LRRTM4: variants seen among roughly 807,000 people sequenced by gnomAD.
LRRTM4 encodes leucine rich repeat transmembrane neuronal 4.
In LRRTM4, 25 loss-of-function variants were observed where a neutral mutation model predicts 47.6. The ratio of observed to expected loss-of-function variants is 0.53; its 90% confidence interval spans 0.38 to 0.73. The LOEUF is 0.73. Among genes scored for constraint, LRRTM4 ranks in the 30% least tolerant of loss-of-function variants. LRRTM4 has a pLI of 0.00. For synonymous variants in LRRTM4, 311 were observed against 269.5 expected, an observed-to-expected ratio of 1.15 and a Z score of -1.51; for missense variants, 638 against 713.4, an observed-to-expected ratio of 0.89 and a Z score of 1.20.
intron 3 of LRRTM4, among the ~76,000 whole-genome samples, chr2:76,956,589 G>T (rs1377117061): frequency 6.7e-6 from 1 of 150,352 alleles, no homozygotes; most frequent in East Asian, 2.0e-4. Flanking sequence ...AAAGATAGCA[G>T]AAAATGAAAA....
At chr2:76,930,628 T>C (rs1393604278) in intron 3 of LRRTM4, among the ~76,000 whole-genome samples, 4 of 152,094 alleles carry the variant, frequency 2.6e-5, no homozygotes, top group Non-Finnish European at 4.4e-5. Flanking sequence ...GTGTGACATA[T>C]GGAGTGCTTT....
intron 3 of LRRTM4, among the ~76,000 whole-genome samples, chr2:76,807,034 A>G (rs545040334): frequency 2.6e-5 from 4 of 152,280 alleles, no homozygotes; most frequent in East Asian, 1.9e-4. Context: ...TTTTTGTAAC[A>G]TGCACTGTAG....
chr2:76,823,202 A>T (rs924823556), intron 3 of LRRTM4, among the ~76,000 whole-genome samples: 2 of 151,438 alleles, frequency 1.3e-5, no homozygotes, highest in African/African-American at 4.8e-5. Context: ...TATATTGTCA[A>T]ATTCAACTAA....
chr2:76,815,121 A>G (rs1670862657), intron 3 of LRRTM4, among the ~76,000 whole-genome samples: 1 of 152,016 alleles, frequency 6.6e-6, no homozygotes, highest in South Asian at 2.1e-4. Flanking sequence ...TAAAAATAAG[A>G]AAAGAAATAA....
chr2:77,226,264 C>T (rs1443433191), intron 3 of LRRTM4, among the ~76,000 whole-genome samples: 1 of 151,696 alleles, frequency 6.6e-6, no homozygotes, highest in Admixed American at 6.6e-5. Flanking sequence ...TCCTTCTACT[C>T]CTCTCCTGCT....
intron 3 of LRRTM4, among the ~76,000 whole-genome samples, chr2:77,191,166 G>C (rs1403825092): frequency 2.6e-5 from 4 of 151,882 alleles, no homozygotes. Flanking sequence ...TGTACACATA[G>C]GACATATTCT....
chr2:76,797,089 C>T (rs541442305), intron 3 of LRRTM4, among the ~76,000 whole-genome samples: 74 of 152,048 alleles, frequency 4.9e-4, no homozygotes, highest in African/African-American at 1.5e-3. Context: ...GGCAGGCCAA[C>T]GTTCAGATTC....
At chr2:77,083,586 T>TTTC (rs1680601132) in intron 3 of LRRTM4, among the ~76,000 whole-genome samples, 1 of 152,064 alleles carries the variant, frequency 6.6e-6, no homozygotes, top group Non-Finnish European at 1.5e-5. Flanking sequence ...GAATATTAGA[T>TTTC]AGTCAAGTAC....
chr2:76,846,281 G>C (rs1165761114), intron 3 of LRRTM4, among the ~76,000 whole-genome samples: 2 of 152,080 alleles, frequency 1.3e-5, no homozygotes, highest in Non-Finnish European at 2.9e-5. Context: ...CCCTGCACTT[G>C]CACCTGAGAA....
chr2:77,306,751 T>C (rs187826929), intron 3 of LRRTM4, among the ~76,000 whole-genome samples: 9 of 152,112 alleles, frequency 5.9e-5, no homozygotes, highest in Non-Finnish European at 1.2e-4. Context: ...AATCAGTTTA[T>C]AAAGTAATGA....
intron 3 of LRRTM4, among the ~76,000 whole-genome samples, chr2:77,119,463 T>G (rs1465893408): frequency 1.3e-5 from 2 of 151,814 alleles, no homozygotes; most frequent in African/African-American, 4.8e-5. Context: ...TAAGAGCAAT[T>G]AAGATAAAAA....
At chr2:76,764,833 G>A (rs1353677973) in intron 3 of LRRTM4, among the ~76,000 whole-genome samples, 1 of 152,116 alleles carries the variant, frequency 6.6e-6, no homozygotes, top group African/African-American at 2.4e-5. Flanking sequence ...ATGACCCAAA[G>A]GCTCTTCAGA....
At chr2:77,437,213 A>T (rs1675635589) in intron 3 of LRRTM4, among the ~76,000 whole-genome samples, 1 of 152,030 alleles carries the variant, frequency 6.6e-6, no homozygotes, top group African/African-American at 2.4e-5. Flanking sequence ...GTATAAAGGA[A>T]TCAGAAATAT....
intron 3 of LRRTM4, among the ~76,000 whole-genome samples, chr2:77,381,704 C>T (rs1255303627): frequency 6.6e-6 from 1 of 151,922 alleles, no homozygotes; most frequent in Non-Finnish European, 1.5e-5. Flanking sequence ...TTCAAGTTGT[C>T]ATAAGCTTTG....
At chr2:76,893,523 G>A (rs530486349) in intron 3 of LRRTM4, among the ~76,000 whole-genome samples, 2 of 151,752 alleles carry the variant, frequency 1.3e-5, no homozygotes, top group South Asian at 4.2e-4. Context: ...CTAAAATACA[G>A]ATAGTTCTAC....
rs1679346008 is a variant in LRRTM4, at chr2:77,518,809, C to G, written c.1060G>C (p.Val354Leu). 1 of 1,611,890 alleles carries G rather than the reference C, an allele frequency of 6.2e-7. No homozygotes were observed. The highest frequency in any genetic ancestry group is 8.5e-7 in the Non-Finnish European group (1 of 1,178,886). The change falls in exon 3 of 4, where the codon GTG (valine) becomes CTG (leucine). Residue 354 changes from valine (V) to leucine (L), a missense_variant. Coordinates refer to ENST00000409884, the MANE Select transcript of LRRTM4 (RefSeq NM_001134745.3). ...HIQGEKVSDAVETYNICSEVQ... is the reference protein window; with the variant it reads ...HIQGEKVSDALETYNICSEVQ... ...TCAGAACAGATATTATATGTTTCCACTGCATCACTAACCTTTTCACCCTGG... is the reference window on the plus strand; with the variant it reads ...TCAGAACAGATATTATATGTTTCCAGTGCATCACTAACCTTTTCACCCTGG...
intron 3 of LRRTM4, among the ~76,000 whole-genome samples, chr2:76,836,403 C>A (rs754770600): frequency 2.0e-5 from 3 of 151,824 alleles, no homozygotes; most frequent in Non-Finnish European, 2.9e-5. Context: ...TTATTTTGAT[C>A]ATGTCTATGC....
chr2:76,853,482 G>T (rs992394703), intron 3 of LRRTM4, among the ~76,000 whole-genome samples: 1 of 151,950 alleles, frequency 6.6e-6, no homozygotes, highest in African/African-American at 2.4e-5. Context: ...TCAAACTCTC[G>T]TCCTTGCCCT....
chr2:76,757,474 T>TG (rs1158028386), intron 3 of LRRTM4, among the ~76,000 whole-genome samples: 1 of 152,108 alleles, frequency 6.6e-6, no homozygotes, highest in African/African-American at 2.4e-5. Context: ...TTGACTCCAT[T>TG]AACTGGGAAG....
Sources: allele counts gnomAD v4.1 joint callset (sites outside exome capture counted in the v4.1 genomes callset), GRCh38; gene constraint gnomAD v4.1.1; transcripts MANE v1.5; gene names NCBI Gene and HGNC (gene_info 2026-07-23, HGNC 2026-07-21).